The following CFAP221 variants were observed in gnomAD, a reference collection of about 807,000 sequenced individuals.
The protein encoded by CFAP221 is cilia- and flagella-associated protein 221.
In CFAP221, 97 loss-of-function variants were observed where a neutral mutation model predicts 113.1. The observed-to-expected ratio is 0.86, with a 90% CI of 0.73 to 1.02. The LOEUF (loss-of-function observed/expected upper bound fraction) is 1.02, where lower values mean the gene tolerates loss of function less well. Among genes scored for constraint, CFAP221 ranks in the 50% least tolerant of loss-of-function variants. The pLI, the probability that CFAP221 is intolerant of heterozygous loss-of-function variation, is 0.00. For missense variants in CFAP221, 1,025 were observed against 1,013.4 expected, an observed-to-expected ratio of 1.01 and a Z score of -0.16; for synonymous variants, 331 against 354.4, an observed-to-expected ratio of 0.93 and a Z score of 0.74.
intron 6 of CFAP221, among the ~76,000 whole-genome samples, chr2:119,567,266 T>TCTC (rs57908940): frequency 1 from 151,996 of 152,324 alleles, 75,834 homozygotes; most frequent in Middle Eastern, 1. Flanking sequence ...ATCCCATGCT[T>TCTC]CTATTCATTC....
chr2:119,657,306 T>C (rs1688477739), downstream of CFAP221, among the ~76,000 whole-genome samples: 1 of 152,204 alleles, frequency 6.6e-6, no homozygotes, highest in African/African-American at 2.4e-5. Flanking sequence ...CCAGTCCTGC[T>C]CTTACTCACT....
chr2:119,647,406 T>G (rs1558670688), intron 22 of CFAP221, among the ~76,000 whole-genome samples: 2 of 152,184 alleles, frequency 1.3e-5, no homozygotes, highest in Non-Finnish European at 2.9e-5. Flanking sequence ...AGTCCAGAAG[T>G]AAGGCACTTA....
Position 119,656,514 on chromosome 2 carries a change from C to A in CFAP221, c.*44C>A. On this transcript the variant is annotated 3_prime_UTR_variant, in exon 24 of 24. Transcript: ENST00000413369. Reference sequence around the variant, plus strand: ...TCCCTTCCATTTGCTTTCCGTGGGCCACTGTGGCCCCTTGCGTCCATTTAC... The same window carrying A: ...TCCCTTCCATTTGCTTTCCGTGGGCAACTGTGGCCCCTTGCGTCCATTTAC... 7.2e-7 allele frequency: 1 copy of A among 1,384,562 alleles called. No individual in the cohort carries two copies. The highest frequency in any genetic ancestry group is 1.0e-6 in the Non-Finnish European group (1 of 977,140). The allele number at this position is 1,384,562 out of a possible 1,614,324, so 85.8% of individuals were successfully genotyped here. A position where few individuals can be genotyped will look rare whatever the true frequency, so the allele number is the denominator to read the frequency against.
intron 6 of CFAP221, among the ~76,000 whole-genome samples, chr2:119,582,457 CTT>C (rs200310556): frequency 9.5e-5 from 13 of 136,782 alleles, no homozygotes; most frequent in Non-Finnish European, 4.8e-5. Flanking sequence ...TAAGACATAT[CTT>C]TTTTTTTTTT....
intron 19 of CFAP221, among the ~76,000 whole-genome samples, chr2:119,631,761 G>C (rs751843279): frequency 9.2e-5 from 14 of 152,048 alleles, no homozygotes; most frequent in Non-Finnish European, 1.6e-4. Context: ...GAATAAACCT[G>C]TAACCTAACT....
At chr2:119,604,648 T>C in intron 8 of CFAP221, 24 bp from the exon 9 acceptor site, 1 of 1,518,590 alleles carries the variant, frequency 6.6e-7, no homozygotes, top group African/African-American at 1.4e-5. Flanking sequence ...TATTTACTAA[T>C]TTAACACTTG....
At chr2:119,626,045 C>A (rs188530786) in intron 15 of CFAP221, among the ~76,000 whole-genome samples, 1 of 152,170 alleles carries the variant, frequency 6.6e-6, no homozygotes, top group East Asian at 1.9e-4. Flanking sequence ...TGCGCTCCCC[C>A]CAGGGGTTTC....
intron 14 of CFAP221, among the ~76,000 whole-genome samples, chr2:119,620,828 G>A (rs1306819067): frequency 6.6e-6 from 1 of 152,044 alleles, no homozygotes; most frequent in Non-Finnish European, 1.5e-5. Flanking sequence ...ACCCATCAGT[G>A]TGGCGTATTC....
chr2:119,612,727 G>A (rs972068759), intron 13 of CFAP221, among the ~76,000 whole-genome samples: 6 of 151,960 alleles, frequency 3.9e-5, no homozygotes, highest in Non-Finnish European at 8.8e-5. Context: ...AATTCAAGAC[G>A]GGATTTGGGT....
At chr2:119,585,427 C>T (rs144536373) in intron 6 of CFAP221, among the ~76,000 whole-genome samples, 4 of 152,268 alleles carry the variant, frequency 2.6e-5, no homozygotes, top group African/African-American at 9.6e-5. Flanking sequence ...GGTTGATAAA[C>T]CTGACTATCT....
At position 119,656,291 on chromosome 2, in the gene CFAP221, C is replaced by G. The variant is rs891957091; in HGVS notation, c.2415-71C>G. On this transcript the variant is annotated intron_variant, in intron 23 of 23. Transcript: ENST00000413369. ...GCTCCTCCGACCTTCACCAGCACTGCTGGCGGGGGGTGATTTGCGTGGTTT... is the reference window on the plus strand; with the variant it reads ...GCTCCTCCGACCTTCACCAGCACTGGTGGCGGGGGGTGATTTGCGTGGTTT... The G allele has an allele frequency of 2.4e-6, 3 of 1,241,726 alleles. No individual in the cohort carries two copies. In the African/African-American group the frequency reaches 4.4e-5, roughly 18 times the overall value. The allele number at this position is 1,241,726 out of a possible 1,614,324, so 76.9% of individuals were successfully genotyped here. A position where few individuals can be genotyped will look rare whatever the true frequency, so the allele number is the denominator to read the frequency against.
chr2:119,656,749 G>A (rs1688457998), downstream of CFAP221: 1 of 225,638 alleles, frequency 4.4e-6, no homozygotes, highest in Non-Finnish European at 8.8e-6. Context: ...GGCACTGGCA[G>A]CTGTTTCTGG....
At position 119,605,236 on chromosome 2, in the gene CFAP221, T is replaced by G. The variant is rs776107118; in HGVS notation, c.1080T>G (p.Phe360Leu). ...SKTRQMKEAL[F>L]EQKVRQDIHE... is the part of the protein sequence containing the mutation. Reference sequence around the variant, plus strand: ...CGAGACAGATGAAGGAGGCACTCTTTGAACAGAAAGTCAGACAGGACATTC... The same window carrying G: ...CGAGACAGATGAAGGAGGCACTCTTGGAACAGAAAGTCAGACAGGACATTC... The change falls in exon 11 of 24, where the codon TTT becomes TTG. Residue 360 changes from phenylalanine (F) to leucine (L), a missense_variant. Coordinates refer to ENST00000413369, the MANE Select transcript of CFAP221 (RefSeq NM_001271049.2). 46 of 1,614,098 alleles carry G rather than the reference T, an allele frequency of 2.8e-5. No individual in the cohort carries two copies. The Admixed American group carries it at 6.3e-4, about 22-fold the overall frequency.
downstream of CFAP221, chr2:119,660,114 C>G (rs1190174381): frequency 6.6e-6 from 1 of 152,222 alleles, no homozygotes; most frequent in Non-Finnish European, 1.5e-5. Context: ...ATGTCCATTT[C>G]AGTTTCCCCA....
intron 6 of CFAP221, among the ~76,000 whole-genome samples, chr2:119,584,301 A>G (rs895232879): frequency 6.6e-6 from 1 of 152,202 alleles, no homozygotes; most frequent in Non-Finnish European, 1.5e-5. Flanking sequence ...GAATTTACAA[A>G]TGAGGCCAGT....
At chr2:119,557,624 T>A (rs1253839417) in intron 3 of CFAP221, among the ~76,000 whole-genome samples, 1 of 152,164 alleles carries the variant, frequency 6.6e-6, no homozygotes, top group African/African-American at 2.4e-5. Context: ...CTCTCCAGAA[T>A]GGATTTAGGT....
intron 7 of CFAP221, among the ~76,000 whole-genome samples, chr2:119,598,395 T>C (rs1307324648): frequency 6.6e-6 from 1 of 152,274 alleles, no homozygotes; most frequent in African/African-American, 2.4e-5. Context: ...TCAGTGCTGT[T>C]ACTTTTTCTT....
At chr2:119,636,233 A>C (rs747555969) in intron 19 of CFAP221, among the ~76,000 whole-genome samples, 52 of 152,242 alleles carry the variant, frequency 3.4e-4, no homozygotes, top group Non-Finnish European at 6.3e-4. Context: ...TTAGTTTTCA[A>C]CTTTTAGAGA....
At chr2:119,587,604 A>C (rs530734299) in intron 7 of CFAP221, among the ~76,000 whole-genome samples, 2 of 152,308 alleles carry the variant, frequency 1.3e-5, no homozygotes, top group South Asian at 4.1e-4. Flanking sequence ...TGGTGTAGAC[A>C]GTATGTTTTT....
Sources: allele counts gnomAD v4.1 joint callset (sites outside exome capture counted in the v4.1 genomes callset), GRCh38; gene constraint gnomAD v4.1.1; transcripts MANE v1.5; gene names NCBI Gene and HGNC (gene_info 2026-07-23, HGNC 2026-07-21).